Variants in N4BP1 observed in about 807,000 individuals in gnomAD.
N4BP1 encodes the protein NEDD4 binding protein 1.
N4BP1 carries 21 observed loss-of-function variants against 70.9 expected under a neutral mutation model. The observed-to-expected ratio is 0.30, with a 90% CI of 0.21 to 0.43. The LOEUF (loss-of-function observed/expected upper bound fraction) is 0.43, where lower values mean the gene tolerates loss of function less well. N4BP1 is among the 20% of genes least tolerant of loss of function. N4BP1 has a pLI of 1.00. For synonymous variants in N4BP1, 387 were observed against 394.6 expected (o/e 0.98, Z 0.23); for missense variants, 936 against 1,069.4 (o/e 0.88, Z 1.74).
chr16:48,576,044 T>A, intron 1 of N4BP1, among the ~76,000 whole-genome samples: 1 of 152,176 alleles, frequency 6.6e-6, no homozygotes. Context: ...GCTATTTTTT[T>A]TTTTTAGGAG....
chr16:48,549,420 ACCCAAAAAG>A (rs1963633980), intron 4 of N4BP1, among the ~76,000 whole-genome samples: 1 of 151,990 alleles, frequency 6.6e-6, no homozygotes, highest in African/African-American at 2.4e-5. Flanking sequence ...TTCTCTAAAA[ACCCAAAAAG>A]CCGTATCAGC....
At chr16:48,543,377 C>A in intron 6 of N4BP1, 116 bp from the exon 7 acceptor site, 1 of 834,324 alleles carries the variant, frequency 1.2e-6, no homozygotes, top group South Asian at 2.3e-5. Flanking sequence ...TCCCTGGCTT[C>A]CAAAGGCAGG....
chr16:48,566,376 A>G (rs1963944702), intron 1 of N4BP1, among the ~76,000 whole-genome samples: 1 of 152,174 alleles, frequency 6.6e-6, no homozygotes, highest in African/African-American at 2.4e-5. Context: ...TTTAAGTGGC[A>G]GAAGTTTCCC....
Position 48,578,835 on chromosome 16 carries a change from G to A in N4BP1, c.199-16391C>T, listed in dbSNP as rs572707538. On this transcript the variant is annotated intron_variant, in intron 1 of 6. Coordinates refer to ENST00000262384, the MANE Select transcript of N4BP1 (RefSeq NM_153029.4). Reference sequence around the variant, plus strand: ...AAGTACCTTCTAAGAAATCCAAAGTGTATTAATCTCTGCTTTCTATACGTA... The same window carrying A: ...AAGTACCTTCTAAGAAATCCAAAGTATATTAATCTCTGCTTTCTATACGTA... Among the ~76,000 whole-genome samples the A allele has an allele frequency of 9.8e-5, 15 of 152,288 alleles. No individual in the cohort carries two copies. The East Asian group carries it at 2.9e-3, about 29-fold the overall frequency.
chr16:48,561,311 C>A lies in N4BP1; in HGVS notation c.1332G>T (p.Gln444His). 1 of 1,613,684 alleles carries A rather than the reference C, an allele frequency of 6.2e-7. No individual in the cohort carries two copies. Among genetic ancestry groups the A allele is most frequent in the Non-Finnish European group, 8.5e-7 (1 of 1,179,744 alleles). ...TQQNMVEKFS[Q>H]LPFKVEAKPC... ...GTTTAGCTTCCACTTTGAATGGTAA[C>A]TGAGAAAATTTTTCTACCATATTTT... Residue 444 changes from glutamine (Q) to histidine (H), a missense_variant, in exon 2 of 7, where the codon CAG (glutamine) becomes CAT (histidine). Gln to His is a conservative substitution (Grantham distance 24, BLOSUM62 0). This residue lies in a region of N4BP1 where 515 missense variants were observed against 491.7 expected (regional missense o/e 1.05). Coordinates refer to ENST00000262384, the MANE Select transcript of N4BP1 (RefSeq NM_153029.4).
intron 1 of N4BP1, among the ~76,000 whole-genome samples, chr16:48,590,794 C>T (rs942342161): frequency 6.6e-6 from 1 of 152,154 alleles, no homozygotes; most frequent in Non-Finnish European, 1.5e-5. Context: ...TTCCATAGCC[C>T]CATGGTGTGG....
intron 6 of N4BP1, 180 bp downstream of exon 6, chr16:48,545,967 G>T: frequency 2.1e-6 from 1 of 465,568 alleles, no homozygotes. Context: ...GGCAAAGGTT[G>T]CAGTGAGCCG....
intron 1 of N4BP1, among the ~76,000 whole-genome samples, chr16:48,594,407 T>G (rs999505281): frequency 6.6e-6 from 1 of 152,162 alleles, no homozygotes; most frequent in Non-Finnish European, 1.5e-5. Flanking sequence ...CAGGCTGGAG[T>G]GCAGTGGCAC....
intron 3 of N4BP1, 23 bp downstream of exon 3, chr16:48,553,516 C>T (rs1300259406): frequency 1.3e-6 from 2 of 1,522,128 alleles, no homozygotes; most frequent in East Asian, 4.7e-5. Context: ...CACTAGAAAT[C>T]TGAAAAAATC....
At chr16:48,588,008 C>A (rs1964272759) in intron 1 of N4BP1, among the ~76,000 whole-genome samples, 1 of 150,768 alleles carries the variant, frequency 6.6e-6, no homozygotes, top group African/African-American at 2.4e-5. Context: ...TTTAGAAGAG[C>A]CAATAAGAAC....
chr16:48,558,044 G>A (rs1311479708), intron 2 of N4BP1, among the ~76,000 whole-genome samples: 2 of 152,026 alleles, frequency 1.3e-5, no homozygotes, highest in Non-Finnish European at 1.5e-5. Flanking sequence ...TCGCAATGCC[G>A]TGCAACCACC....
chr16:48,609,692 A>C, intron 1 of N4BP1, 83 bp downstream of exon 1: 1 of 1,156,456 alleles, frequency 8.6e-7, no homozygotes, highest in South Asian at 3.3e-5. Context: ...ATCGCGGCGG[A>C]CGGCGGGGGC....
chr16:48,578,696 T>C (rs1964134760), intron 1 of N4BP1, among the ~76,000 whole-genome samples: 1 of 152,252 alleles, frequency 6.6e-6, no homozygotes, highest in African/African-American at 2.4e-5. Flanking sequence ...CTTCATCGTG[T>C]AGGATTAATG....
chr16:48,555,417 C>G (rs1282308988), intron 2 of N4BP1, among the ~76,000 whole-genome samples: 2 of 152,242 alleles, frequency 1.3e-5, no homozygotes, highest in Non-Finnish European at 2.9e-5. Flanking sequence ...AGAGGCTGGA[C>G]ACTTCACGAA....
At chr16:48,577,624 AAC>A in intron 1 of N4BP1, 1 of 220,070 alleles carries the variant, frequency 4.5e-6, no homozygotes, top group East Asian at 1.0e-4. Flanking sequence ...AGACTTGGTG[AAC>A]ACAGTCTTCT....
chr16:48,588,222 A>G (rs1567441883), intron 1 of N4BP1, among the ~76,000 whole-genome samples: 1 of 152,160 alleles, frequency 6.6e-6, no homozygotes, highest in African/African-American at 2.4e-5. Flanking sequence ...CGCAATGAAC[A>G]AAAATTACAA....
chr16:48,596,348 C>T (rs1321390316), intron 1 of N4BP1, among the ~76,000 whole-genome samples: 2 of 152,164 alleles, frequency 1.3e-5, no homozygotes, highest in Non-Finnish European at 2.9e-5. Context: ...AGAATACTAA[C>T]ACCTTTGTCA....
chr16:48,606,259 C>T (rs1330879036), intron 1 of N4BP1, among the ~76,000 whole-genome samples: 1 of 152,170 alleles, frequency 6.6e-6, no homozygotes, highest in Admixed American at 6.5e-5. Flanking sequence ...TGCCCTGTCC[C>T]TGTAAAAACC....
rs1040695436 is a variant in N4BP1 at position 48,540,515 on chromosome 16, T to C, written c.*2389A>G. On this transcript the variant is annotated 3_prime_UTR_variant, in exon 7 of 7. Transcript: ENST00000262384. Reference sequence around the variant, plus strand: ...GCCTACAGGGGTTCAAACAGACTGCTTGCATTAAGGTCAGACAAGGCTCTT... The same window carrying C: ...GCCTACAGGGGTTCAAACAGACTGCCTGCATTAAGGTCAGACAAGGCTCTT... 6 of 152,318 alleles carry C rather than the reference T, an allele frequency of 3.9e-5. No homozygotes were observed. The highest frequency in any genetic ancestry group is 1.4e-4 in the African/African-American group (6 of 41,454). 9.4% of individuals were successfully genotyped at this position (152,318 alleles called of 1,614,324 possible).
Sources: allele counts gnomAD v4.1 joint callset (sites outside exome capture counted in the v4.1 genomes callset), GRCh38; gene constraint gnomAD v4.1.1; regional missense constraint gnomAD v4.1.1; transcripts MANE v1.5; gene names NCBI Gene and HGNC (gene_info 2026-07-23, HGNC 2026-07-21).